The following CACNB2 variants were observed in gnomAD, a reference collection of about 807,000 sequenced individuals.
CACNB2 encodes the protein voltage-dependent L-type calcium channel subunit beta-2.
Under a neutral mutation model 73.3 loss-of-function variants are expected in CACNB2, and 42 were observed. The ratio of observed to expected loss-of-function variants is 0.57; its 90% CI spans 0.45 to 0.74. CACNB2 has a LOEUF of 0.74. Ranked by LOEUF, CACNB2 falls within the 30% of genes least tolerant of loss-of-function variation. The pLI is 0.00. For synonymous variants in CACNB2, 348 were observed against 310.3 expected (o/e 1.12, Z -1.28); for missense variants, 940 against 853.0 (o/e 1.10, Z -1.27).
intron 2 of CACNB2, among the ~76,000 whole-genome samples, chr10:18,378,994 G>A (rs1430921868): frequency 6.6e-6 from 1 of 152,066 alleles, no homozygotes; most frequent in Admixed American, 6.6e-5. Flanking sequence ...AGGAACCCGG[G>A]CTTTCTTCCA....
chr10:18,244,449 G>A (rs944946122), intron 2 of CACNB2, among the ~76,000 whole-genome samples: 10 of 152,312 alleles, frequency 6.6e-5, no homozygotes, highest in South Asian at 2.1e-4. Flanking sequence ...GTGCAAAACA[G>A]TCTCTCATAA....
At chr10:18,294,910 G>C (rs1056064697) in intron 2 of CACNB2, among the ~76,000 whole-genome samples, 1 of 152,216 alleles carries the variant, frequency 6.6e-6, no homozygotes, top group African/African-American at 2.4e-5. Flanking sequence ...TAGGAACTTC[G>C]TAAGAAGGTG....
Position 18,231,376 on chromosome 10 carries a change from G to A in CACNB2, c.213+80401G>A, listed in dbSNP as rs184183345. ...GTATTTTTAGTAGAGATGGGGTTTC[G>A]CCATGTTGGCCAGGCTGGTCTCAAA... is the stretch of plus-strand genomic sequence containing the variant. On this transcript the variant is annotated intron_variant, in intron 2 of 13. Coordinates refer to ENST00000324631, the MANE Select transcript of CACNB2 (RefSeq NM_201596.3). Among the ~76,000 whole-genome samples the A allele has an allele frequency of 6.8e-3, 1,033 of 152,108 alleles. 14 individuals are homozygous for A. Among genetic ancestry groups the A allele is most frequent in the African/African-American group, 0.024 (979 of 41,492 alleles).
intron 2 of CACNB2, among the ~76,000 whole-genome samples, chr10:18,275,397 C>A (rs993639467): frequency 1.8e-4 from 28 of 152,112 alleles, no homozygotes; most frequent in Non-Finnish European, 4.0e-4. Context: ...ACAAGAGACT[C>A]CATACACACG....
At chr10:18,324,338 T>C (rs543316094) in intron 2 of CACNB2, among the ~76,000 whole-genome samples, 3 of 152,284 alleles carry the variant, frequency 2.0e-5, no homozygotes, top group Admixed American at 1.3e-4. Flanking sequence ...TTCCATTGAA[T>C]TTAAAATATG....
Position 18,286,339 on chromosome 10 carries a change from A to AC in CACNB2, c.214-115581dup, listed in dbSNP as rs1366001565. ...AGACCATCCTGGCTAACACGGTGAAACCCCGTCTCTACTAAAAAAATACAA... is the reference window on the plus strand; with the variant it reads ...AGACCATCCTGGCTAACACGGTGAAACCCCCGTCTCTACTAAAAAAATACAA... On this transcript the variant is annotated intron_variant, in intron 2 of 13. Coordinates refer to ENST00000324631, the MANE Select transcript of CACNB2 (RefSeq NM_201596.3). 4.0e-5 allele frequency among the ~76,000 whole-genome samples: 6 copies of AC among 151,792 alleles called. No homozygotes were observed. The South Asian group carries it at 6.3e-4, about 16-fold the overall frequency.
In CACNB2 at chr10:18,539,460, T is replaced by C. The variant is rs781283574; in HGVS notation, c.1719T>C (p.Asp573=). Residue 573 remains aspartate, a synonymous_variant, in exon 14 of 14, where the codon GAT becomes GAC. Coordinates refer to ENST00000324631, the MANE Select transcript of CACNB2 (RefSeq NM_201596.3). Reference sequence around the variant, plus strand: ...CTGCCTACGTAGAGCCAAAGGAAGATTATTCCCATGACCACGTGGACCACT... The same window carrying C: ...CTGCCTACGTAGAGCCAAAGGAAGACTATTCCCATGACCACGTGGACCACT... The part of the protein sequence containing the change: ...RDSAYVEPKE[D]YSHDHVDHYA... 105 of 1,613,414 alleles carry C rather than the reference T, an allele frequency of 6.5e-5. No homozygotes were observed. The highest frequency in any genetic ancestry group is 8.3e-5 in the Non-Finnish European group (98 of 1,179,892).
chr10:18,448,466 ACT>A (rs1185724543), intron 3 of CACNB2, among the ~76,000 whole-genome samples: 2 of 138,160 alleles, frequency 1.4e-5, no homozygotes, highest in Middle Eastern at 3.5e-3. Context: ...CAAGAGCAAA[ACT>A]CTCTCTCATT....
chr10:18,312,121 T>C (rs1212187971), intron 2 of CACNB2, among the ~76,000 whole-genome samples: 1 of 152,146 alleles, frequency 6.6e-6, no homozygotes. Context: ...CCCAAGTAGG[T>C]AAATCTTAGG....
chr10:18,358,719 A>C (rs768655941), intron 2 of CACNB2, among the ~76,000 whole-genome samples: 3 of 152,274 alleles, frequency 2.0e-5, no homozygotes, highest in Middle Eastern at 3.4e-3. Flanking sequence ...CTGGCTAGGA[A>C]ATAAAAAGCA....
chr10:18,282,778 G>A (rs1210449428), intron 2 of CACNB2, among the ~76,000 whole-genome samples: 1 of 152,082 alleles, frequency 6.6e-6, no homozygotes, highest in Non-Finnish European at 1.5e-5. Context: ...GATAAAGACA[G>A]TCCCTAGACT....
intron 2 of CACNB2, among the ~76,000 whole-genome samples, chr10:18,203,052 A>G (rs895495598): frequency 2.8e-4 from 43 of 152,322 alleles, no homozygotes; most frequent in African/African-American, 8.7e-4. Flanking sequence ...CTTTGAAAAT[A>G]TCAGACTACA....
chr10:18,320,248 AGCTGTT>A (rs1430201938), intron 2 of CACNB2, among the ~76,000 whole-genome samples: 2 of 152,208 alleles, frequency 1.3e-5, no homozygotes, highest in Admixed American at 1.3e-4. Flanking sequence ...CCAGATTGGA[AGCTGTT>A]TGAGCACAGG....
chr10:18,154,430 G>A (rs368757327), intron 2 of CACNB2, among the ~76,000 whole-genome samples: 2 of 151,976 alleles, frequency 1.3e-5, no homozygotes. Flanking sequence ...CTCTGGGAGT[G>A]GGGCTCTAAT....
chr10:18,346,845 C>T (rs1047228427), intron 2 of CACNB2, among the ~76,000 whole-genome samples: 3 of 151,914 alleles, frequency 2.0e-5, no homozygotes, highest in Non-Finnish European at 4.4e-5. Context: ...GATCCACCCT[C>T]CTTGGCCTCC....
rs112505706 is a variant in CACNB2, at chr10:18,144,295, G to A, written c.120+3439G>A. 2.4e-4 allele frequency among the ~76,000 whole-genome samples: 36 copies of A among 152,258 alleles called. No individual in the cohort carries two copies. The South Asian group carries it at 6.0e-3, about 25-fold the overall frequency. On this transcript the variant is annotated intron_variant, in intron 1 of 13. Transcript: ENST00000324631. ...AGGTTTCACCATGTTGGCTAGGCTT[G>A]TATCAAACTCCTGACCTCAGGTGAT...
At chr10:18,499,541 C>T (rs955223252) in intron 4 of CACNB2, among the ~76,000 whole-genome samples, 11 of 146,818 alleles carry the variant, frequency 7.5e-5, no homozygotes, top group African/African-American at 2.3e-4. Flanking sequence ...CTTGAACCAG[C>T]GAGTCGGAGG....
At chr10:18,530,612 C>T (rs1431492874) in intron 10 of CACNB2, among the ~76,000 whole-genome samples, 2 of 150,690 alleles carry the variant, frequency 1.3e-5, no homozygotes, top group African/African-American at 2.4e-5. Flanking sequence ...GTATTGAATA[C>T]TAAAAGTGAA....
At chr10:18,183,156 T>A (rs1039957700) in intron 2 of CACNB2, among the ~76,000 whole-genome samples, 1 of 152,072 alleles carries the variant, frequency 6.6e-6, no homozygotes, top group South Asian at 2.1e-4. Context: ...AAAACGCAGA[T>A]CCCAGTATCA....
Sources: gnomAD v4.1 joint callset for allele counts (sites outside exome capture counted in the v4.1 genomes callset) on GRCh38, gnomAD v4.1.1 for gene constraint, MANE v1.5 for transcripts, NCBI Gene and HGNC (gene_info 2026-07-23, HGNC 2026-07-21) for gene names.